The following KIF15 variants were observed in gnomAD, a reference collection of about 807,000 sequenced individuals.
The protein encoded by KIF15 is kinesin family member 15.
Under a neutral mutation model 190.6 loss-of-function variants are expected in KIF15, and 140 were observed. The ratio of observed to expected loss-of-function variants is 0.73; its 90% CI spans 0.64 to 0.84. The LOEUF (loss-of-function observed/expected upper bound fraction) is 0.84. KIF15 is among the 40% of genes least tolerant of loss of function. KIF15 has a pLI of 0.00. For synonymous variants in KIF15, 528 were observed against 551.3 expected (o/e 0.96, Z 0.59); for missense variants, 1,372 against 1,584.4 (o/e 0.87, Z 2.28).
chr3:44,819,624 T>C (rs891812651), intron 20 of KIF15, among the ~76,000 whole-genome samples: 24 of 152,210 alleles, frequency 1.6e-4, no homozygotes, highest in African/African-American at 5.8e-4. Flanking sequence ...TGTTGTGATT[T>C]CTGTTTTTTT....
chr3:44,847,291 A>AGGAG (rs1698890623), intron 30 of KIF15, among the ~76,000 whole-genome samples: 1 of 152,194 alleles, frequency 6.6e-6, no homozygotes, highest in African/African-American at 2.4e-5. Flanking sequence ...AGGTTCTCCA[A>AGGAG]GGAGGGAGGG....
chr3:44,856,900 G>C (rs1231750219), downstream of KIF15, among the ~76,000 whole-genome samples: 2 of 152,200 alleles, frequency 1.3e-5, no homozygotes, highest in Non-Finnish European at 2.9e-5. Flanking sequence ...TAGTCCTTTT[G>C]CAAGAGTGAG....
At chr3:44,798,040 T>C in intron 10 of KIF15, 84 bp downstream of exon 10, 1 of 1,206,006 alleles carries the variant, frequency 8.3e-7, no homozygotes, top group Non-Finnish European at 1.1e-6. Flanking sequence ...TGCCCTAATA[T>C]TAACATTAAC....
At chr3:44,863,352 G>A (rs1699284528) in intron 6 of KIF15, 1 of 118,862 alleles carries the variant, frequency 8.4e-6, no homozygotes, top group Non-Finnish European at 1.6e-5. Context: ...TCACCACCAA[G>A]CAAGGGGGAC....
At chr3:44,859,175 A>G (rs2125737028) in intron 6 of KIF15, among the ~76,000 whole-genome samples, 1 of 152,350 alleles carries the variant, frequency 6.6e-6, no homozygotes, top group East Asian at 1.9e-4. Context: ...CCTGGAGGAA[A>G]GCCTGGCCAC....
chr3:44,781,943 TTCCAGATTTTTC>T (rs1400098020), intron 5 of KIF15, among the ~76,000 whole-genome samples: 1 of 152,212 alleles, frequency 6.6e-6, no homozygotes, highest in Non-Finnish European at 1.5e-5. Context: ...ATGATATGGA[TTCCAGATTTTTC>T]TCTAGATTTT....
intron 29 of KIF15, 141 bp downstream of exon 29, chr3:44,841,379 C>A (rs1698595014): frequency 6.9e-6 from 4 of 583,068 alleles, no homozygotes; most frequent in Non-Finnish European, 1.2e-5. Context: ...CCATGCCCAG[C>A]CAGTAAATTT....
chr3:44,835,211 T>A (rs183178983), intron 26 of KIF15, among the ~76,000 whole-genome samples: 1 of 152,050 alleles, frequency 6.6e-6, no homozygotes, highest in Admixed American at 6.5e-5. Context: ...AAACAGAAAT[T>A]TATGTAATTC....
intron 34 of KIF15, 104 bp downstream of exon 34, chr3:44,852,443 T>G: frequency 8.7e-7 from 1 of 1,144,404 alleles, no homozygotes; most frequent in South Asian, 1.7e-5. Context: ...ACTGCTTACT[T>G]CAGGGAGCTT....
intron 20 of KIF15, among the ~76,000 whole-genome samples, chr3:44,820,385 G>A (rs1169309652): frequency 1.3e-5 from 2 of 150,482 alleles, no homozygotes; most frequent in Non-Finnish European, 3.0e-5. Context: ...TCATTCTTGG[G>A]TGTTTCTCAC....
chr3:44,865,983 C>T (rs954438608), intron 6 of KIF15, among the ~76,000 whole-genome samples: 4 of 152,182 alleles, frequency 2.6e-5, no homozygotes, highest in Non-Finnish European at 5.9e-5. Context: ...CCACTCTGTT[C>T]CTCTAGCGTT....
At position 44,828,223 on chromosome 3, in the gene KIF15, G is replaced by T; in HGVS notation, c.2866G>T (p.Val956Leu). Residue 956 changes from valine to leucine, a missense_variant, in exon 24 of 35, where the codon GTA (valine) becomes TTA (leucine). Coordinates refer to ENST00000326047, the MANE Select transcript of KIF15 (RefSeq NM_020242.3). ...TTCTTTTTCACCATAGATGGCAAAA[G>T]TACAGAAACTAGAAGAGAGCTTGCT... ...TAKCEQQMAK[V>L]QKLEESLLAT... The T allele has an allele frequency of 6.2e-7, 1 of 1,612,626 alleles. No homozygotes were observed. Among genetic ancestry groups the T allele is most frequent in the Non-Finnish European group, 8.5e-7 (1 of 1,178,830 alleles).
chr3:44,777,327 A>G (rs947523930), intron 3 of KIF15, among the ~76,000 whole-genome samples: 2 of 152,110 alleles, frequency 1.3e-5, no homozygotes, highest in Non-Finnish European at 2.9e-5. Context: ...TCCCTTATAC[A>G]TATGGATGTT....
intron 7 of KIF15, among the ~76,000 whole-genome samples, chr3:44,791,098 T>C (rs1706677507): frequency 6.6e-6 from 1 of 152,228 alleles, no homozygotes; most frequent in African/African-American, 2.4e-5. Flanking sequence ...TATATGATTG[T>C]TGATATTCTT....
At chr3:44,840,271 G>A in intron 27 of KIF15, 84 bp from the exon 28 acceptor site, 1 of 726,062 alleles carries the variant, frequency 1.4e-6, no homozygotes, top group Admixed American at 3.1e-5. Context: ...CCTGATGATT[G>A]GTGATGGGAA....
intron 6 of KIF15, among the ~76,000 whole-genome samples, chr3:44,859,791 A>G (rs1699220433): frequency 1.3e-5 from 2 of 152,116 alleles, no homozygotes; most frequent in South Asian, 4.2e-4. Flanking sequence ...ACACCATTGC[A>G]CTCTAGCCTG....
In KIF15 at chr3:44,774,413, C is replaced by T. The variant is rs745415547; in HGVS notation, c.38C>T (p.Thr13Ile). 18 of 1,612,718 alleles carry T rather than the reference C, an allele frequency of 1.1e-5. No individual in the cohort carries two copies. In the South Asian group the frequency reaches 2.0e-4, roughly 18 times the overall value. Residue 13 changes from threonine to isoleucine, a missense_variant, in exon 2 of 35, where the codon ACA becomes ATA. Thr to Ile is a moderately conservative substitution (Grantham distance 89). Coordinates refer to ENST00000326047, the MANE Select transcript of KIF15 (RefSeq NM_020242.3). ...PGCKTELRSV[T>I]NGQSNQPSNE... The stretch of plus-strand genomic sequence containing the variant: ...TTTCTAGCTGAGTTACGCAGCGTGA[C>T]AAATGGTCAGTCTAACCAACCAAGG...
intron 6 of KIF15, among the ~76,000 whole-genome samples, chr3:44,785,507 T>A (rs1464579355): frequency 6.6e-6 from 1 of 152,232 alleles, no homozygotes; most frequent in Non-Finnish European, 1.5e-5. Context: ...CTCACAGTTG[T>A]GCTGATTTAG....
At chr3:44,803,112 T>C (rs964505015) in intron 14 of KIF15, 121 bp downstream of exon 14, 12 of 694,548 alleles carry the variant, frequency 1.7e-5, no homozygotes, top group Non-Finnish European at 2.4e-5. Context: ...TAATGTCTTA[T>C]ACACATATTC....
Sources: allele counts gnomAD v4.1 joint callset (sites outside exome capture counted in the v4.1 genomes callset), GRCh38; gene constraint gnomAD v4.1.1; transcripts MANE v1.5; gene names NCBI Gene and HGNC (gene_info 2026-07-23, HGNC 2026-07-21).